The following NDST4 variants were observed in gnomAD, a reference collection of about 807,000 sequenced individuals.
The protein encoded by NDST4 is N-heparan sulfate sulfotransferase 4.
A neutral mutation model predicts 100.8 loss-of-function variants in NDST4; 63 were observed. The ratio of observed to expected loss-of-function variants is 0.62; its 90% CI spans 0.51 to 0.77. The LOEUF (loss-of-function observed/expected upper bound fraction) is 0.77, where lower values mean the gene tolerates loss of function less well. Among genes scored for constraint, NDST4 ranks in the 30% least tolerant of loss-of-function variants. The pLI is 0.00. For synonymous variants in NDST4, 377 were observed against 361.8 expected, an observed-to-expected ratio of 1.04 and a Z score of -0.48; for missense variants, 943 against 1,018.4, an observed-to-expected ratio of 0.93 and a Z score of 1.01.
chr4:115,006,562 T>G (rs1027082172), intron 2 of NDST4, among the ~76,000 whole-genome samples: 1 of 152,168 alleles, frequency 6.6e-6, no homozygotes, highest in Non-Finnish European at 1.5e-5. Context: ...TAATTTTTCT[T>G]TTAAACATGT....
chr4:115,019,958 T>C (rs1212692353), intron 2 of NDST4, among the ~76,000 whole-genome samples: 1 of 152,098 alleles, frequency 6.6e-6, no homozygotes, highest in Non-Finnish European at 1.5e-5. Context: ...GTCTGTGTTA[T>C]TGTGTTGTAG....
At chr4:115,001,465 G>GT (rs953446380) in intron 2 of NDST4, among the ~76,000 whole-genome samples, 24 of 150,524 alleles carry the variant, frequency 1.6e-4, no homozygotes, top group East Asian at 3.9e-4. Flanking sequence ...AGATTCATGG[G>GT]TTTTTTTTTC....
intron 12 of NDST4, among the ~76,000 whole-genome samples, chr4:114,831,778 T>C (rs1028271309): frequency 1.2e-4 from 19 of 152,216 alleles, no homozygotes; most frequent in Admixed American, 8.5e-4. Flanking sequence ...GTTTCATTTA[T>C]TGCATTGGCA....
chr4:115,089,832 A>T (rs1299137122), intron 1 of NDST4, among the ~76,000 whole-genome samples: 1 of 151,850 alleles, frequency 6.6e-6, no homozygotes, highest in East Asian at 1.9e-4. Context: ...AATTGCACCA[A>T]ATTATCTCTA....
Position 115,010,936 on chromosome 4 carries a change from A to G in NDST4, c.979-33662T>C, listed in dbSNP as rs111639653. ...ATTTATAACCATTTGATTAAATACA[A>G]TGTTGAATTTAGCACAGGTTCAGAA... is the stretch of plus-strand genomic sequence containing the variant. On this transcript the variant is annotated intron_variant, in intron 2 of 13. Coordinates refer to ENST00000264363, the MANE Select transcript of NDST4 (RefSeq NM_022569.3). Among the ~76,000 whole-genome samples, 972 of 152,212 alleles carry G rather than the reference A, an allele frequency of 6.4e-3. 13 individuals carry two copies. Among genetic ancestry groups the G allele is most frequent in the African/African-American group, 0.021 (858 of 41,564 alleles).
chr4:114,988,642 T>C (rs1409441730), intron 2 of NDST4, among the ~76,000 whole-genome samples: 1 of 152,038 alleles, frequency 6.6e-6, no homozygotes, highest in Non-Finnish European at 1.5e-5. Context: ...ATTACAGGTG[T>C]GAGCCACCAT....
intron 11 of NDST4, among the ~76,000 whole-genome samples, chr4:114,835,985 T>A (rs750353469): frequency 1.3e-5 from 2 of 152,258 alleles, no homozygotes; most frequent in Non-Finnish European, 2.9e-5. Context: ...TCCATTCCTT[T>A]ATTTTGAGCC....
At chr4:114,840,473 T>C (rs1723402412) in intron 10 of NDST4, among the ~76,000 whole-genome samples, 1 of 152,158 alleles carries the variant, frequency 6.6e-6, no homozygotes, top group Non-Finnish European at 1.5e-5. Context: ...TTGACATATT[T>C]GATTAGAGGT....
chr4:114,877,667 G>GTTCTCCTTCTAAGTTCAC (rs1724283524), intron 6 of NDST4, among the ~76,000 whole-genome samples: 1 of 152,184 alleles, frequency 6.6e-6, no homozygotes, highest in South Asian at 2.1e-4. Context: ...AGGAGAAATA[G>GTTCTCCTTCTAAGTTCAC]GCCGGGCGCA....
chr4:115,103,483 A>G (rs1420452523), intron 1 of NDST4, among the ~76,000 whole-genome samples: 1 of 152,138 alleles, frequency 6.6e-6, no homozygotes, highest in East Asian at 1.9e-4. Flanking sequence ...AAAGAATCTT[A>G]CTCAAATAGG....
intron 7 of NDST4, among the ~76,000 whole-genome samples, chr4:114,868,219 C>A (rs1724074714): frequency 1.3e-5 from 2 of 152,064 alleles, no homozygotes; most frequent in East Asian, 1.9e-4. Flanking sequence ...TTTATTTTGA[C>A]ACTTTGTAAC....
intron 6 of NDST4, among the ~76,000 whole-genome samples, chr4:114,911,501 T>G (rs1405678223): frequency 2.0e-5 from 3 of 152,182 alleles, no homozygotes; most frequent in Non-Finnish European, 4.4e-5. Flanking sequence ...CCCCTTATAA[T>G]ATAATCTCAT....
chr4:115,086,366 C>T lies in NDST4; in HGVS notation c.-246-9084G>A, dbSNP rs149883587. On this transcript the variant is annotated intron_variant, in intron 1 of 13. Coordinates refer to ENST00000264363, the MANE Select transcript of NDST4 (RefSeq NM_022569.3). ...ATTTAATCAAAATCGAGGTAGTATG[C>T]CCAGTTTATAATTTTCTGCAGAAAT... Among the ~76,000 whole-genome samples the T allele has an allele frequency of 4.1e-3, 624 of 151,982 alleles. 5 individuals are homozygous for T. The highest frequency in any genetic ancestry group is 0.014 in the African/African-American group (598 of 41,476).
intron 4 of NDST4, among the ~76,000 whole-genome samples, chr4:114,948,283 C>G (rs1484153052): frequency 6.6e-6 from 1 of 151,646 alleles, no homozygotes; most frequent in East Asian, 1.9e-4. Context: ...CTCCCCCACC[C>G]CCCAAATACA....
At chr4:115,085,808 C>T (rs565812948) in intron 1 of NDST4, among the ~76,000 whole-genome samples, 1 of 152,222 alleles carries the variant, frequency 6.6e-6, no homozygotes, top group Non-Finnish European at 1.5e-5. Flanking sequence ...TGACTTAGTA[C>T]CTCATCTTTC....
chr4:114,910,308 C>G (rs530192860), intron 6 of NDST4, among the ~76,000 whole-genome samples: 1 of 152,246 alleles, frequency 6.6e-6, no homozygotes, highest in East Asian at 1.9e-4. Context: ...TCCTCAATTT[C>G]TCAGAATTAC....
intron 2 of NDST4, among the ~76,000 whole-genome samples, chr4:115,026,956 T>C (rs531254474): frequency 1.5e-4 from 23 of 152,264 alleles, no homozygotes; most frequent in African/African-American, 5.5e-4. Flanking sequence ...TGATGGCTTC[T>C]GTTCTCTCTG....
chr4:115,057,233 G>A (rs774623540), intron 2 of NDST4, among the ~76,000 whole-genome samples: 5 of 152,094 alleles, frequency 3.3e-5, no homozygotes, highest in Admixed American at 6.6e-5. Flanking sequence ...AGACTGGAAA[G>A]GAAGAGAAGA....
chr4:114,911,937 T>C (rs890876818), intron 6 of NDST4, among the ~76,000 whole-genome samples: 1 of 152,132 alleles, frequency 6.6e-6, no homozygotes, highest in African/African-American at 2.4e-5. Context: ...CAACATCAAC[T>C]GAAAGCAGCT....
Sources: allele counts gnomAD v4.1 joint callset (sites outside exome capture counted in the v4.1 genomes callset), GRCh38; gene constraint gnomAD v4.1.1; transcripts MANE v1.5; gene names NCBI Gene and HGNC (gene_info 2026-07-23, HGNC 2026-07-21).